The following FHIT variants were observed in gnomAD, a reference collection of about 807,000 sequenced individuals.
The protein encoded by FHIT is fragile histidine triad diadenosine triphosphatase.
In FHIT, 19 loss-of-function variants were observed where a neutral mutation model predicts 17.9. The observed-to-expected ratio is 1.06, with a 90% confidence interval of 0.74 to 1.56. FHIT has a LOEUF of 1.56. Among genes scored for constraint, FHIT ranks in the 40% most tolerant of loss-of-function variants. The pLI, the probability that FHIT is intolerant of heterozygous loss-of-function variation, is 0.00. For synonymous variants in FHIT, 81 were observed against 69.7 expected, an observed-to-expected ratio of 1.16 and a Z score of -0.81; for missense variants, 248 against 189.2, an observed-to-expected ratio of 1.31 and a Z score of -1.82.
intron 5 of FHIT, among the ~76,000 whole-genome samples, chr3:60,051,157 T>A (rs212045): frequency 6.6e-6 from 1 of 151,710 alleles, no homozygotes; most frequent in Non-Finnish European, 1.5e-5. Context: ...TAGGGGAAGG[T>A]TGGGCCTCTC....
At chr3:60,646,097 T>G (rs1247256853) in intron 4 of FHIT, among the ~76,000 whole-genome samples, 1 of 152,118 alleles carries the variant, frequency 6.6e-6, no homozygotes, top group East Asian at 1.9e-4. Flanking sequence ...CCAAATTTGG[T>G]TACTTGTTTT....
intron 2 of FHIT, among the ~76,000 whole-genome samples, chr3:61,190,333 C>G (rs1331042313): frequency 1.3e-5 from 2 of 152,136 alleles, no homozygotes; most frequent in East Asian, 3.8e-4. Context: ...TGAAAAAATG[C>G]TCATCATCAC....
In FHIT at chr3:61,207,722, A is replaced by G. The variant is rs546480208; in HGVS notation, c.-212-7057T>C. ...ATTCTTCTCTCTTTTCTTCTTCATT[A>G]GTCTTGCTAGAGGTCTATCAATTTT... On this transcript the variant is annotated intron_variant, in intron 1 of 9. Transcript: ENST00000492590. 4.6e-5 allele frequency among the ~76,000 whole-genome samples: 7 copies of G among 152,182 alleles called. No homozygotes were observed. In the South Asian group the frequency reaches 1.5e-3, roughly 32 times the overall value.
chr3:61,213,763 T>A (rs573454973), intron 1 of FHIT, among the ~76,000 whole-genome samples: 41 of 152,120 alleles, frequency 2.7e-4, no homozygotes, highest in African/African-American at 8.0e-4. Context: ...GAAGTAAAGC[T>A]CTCCTGAGCA....
chr3:60,559,700 G>T (rs182743555), intron 4 of FHIT, among the ~76,000 whole-genome samples: 1 of 152,058 alleles, frequency 6.6e-6, no homozygotes, highest in Non-Finnish European at 1.5e-5. Context: ...GAAAGCATAT[G>T]TATCTCTGGG....
At chr3:60,051,774 T>C (rs1408847895) in intron 5 of FHIT, among the ~76,000 whole-genome samples, 1 of 152,294 alleles carries the variant, frequency 6.6e-6, no homozygotes, top group Admixed American at 6.5e-5. Context: ...TATACAGGAT[T>C]CTACTTGTGA....
chr3:60,893,159 T>G (rs1172515976), intron 3 of FHIT, among the ~76,000 whole-genome samples: 1 of 152,130 alleles, frequency 6.6e-6, no homozygotes, highest in Non-Finnish European at 1.5e-5. Context: ...AAAAGGAGCA[T>G]CCTTATCTCT....
intron 5 of FHIT, among the ~76,000 whole-genome samples, chr3:60,253,436 A>G (rs1705827970): frequency 6.6e-6 from 1 of 152,248 alleles, no homozygotes; most frequent in South Asian, 2.1e-4. Flanking sequence ...TGTGATGATC[A>G]GTTGGCAACA....
chr3:60,206,168 A>T (rs71313751), intron 5 of FHIT, among the ~76,000 whole-genome samples: 5,171 of 134,920 alleles, frequency 0.038, 238 homozygotes, highest in African/African-American at 0.097. Flanking sequence ...TAATAATAAT[A>T]ATAATTATAA....
At chr3:61,038,345 G>C (rs1247834417) in intron 3 of FHIT, among the ~76,000 whole-genome samples, 1 of 152,190 alleles carries the variant, frequency 6.6e-6, no homozygotes, top group Non-Finnish European at 1.5e-5. Context: ...ACACATTAAA[G>C]AAGAGCATAT....
intron 4 of FHIT, among the ~76,000 whole-genome samples, chr3:60,604,290 G>A (rs2038538422): frequency 6.6e-6 from 1 of 152,156 alleles, no homozygotes; most frequent in South Asian, 2.1e-4. Context: ...ATCCAGGGTA[G>A]AGCAGGACTC....
At chr3:61,225,795 TCAC>T (rs1271987882) in intron 1 of FHIT, among the ~76,000 whole-genome samples, 1 of 152,246 alleles carries the variant, frequency 6.6e-6, no homozygotes, top group Non-Finnish European at 1.5e-5. Flanking sequence ...TTGTTTTCCA[TCAC>T]CATGTTAGTA....
intron 5 of FHIT, among the ~76,000 whole-genome samples, chr3:60,088,422 G>A (rs546490968): frequency 6.6e-6 from 1 of 152,232 alleles, no homozygotes; most frequent in South Asian, 2.1e-4. Context: ...TAGTTGCACG[G>A]CCATGCTGCT....
intron 2 of FHIT, among the ~76,000 whole-genome samples, chr3:61,150,874 C>G (rs2107047254): frequency 6.6e-6 from 1 of 152,172 alleles, no homozygotes; most frequent in African/African-American, 2.4e-5. Context: ...AGAAATAGGC[C>G]TAGCACCAAA....
At chr3:60,538,922 A>G (rs1443426207) in intron 4 of FHIT, among the ~76,000 whole-genome samples, 1 of 152,104 alleles carries the variant, frequency 6.6e-6, no homozygotes, top group Non-Finnish European at 1.5e-5. Context: ...AATGGCAACA[A>G]AAGCCAAAAT....
chr3:60,604,165 C>T (rs1189167533), intron 4 of FHIT, among the ~76,000 whole-genome samples: 1 of 152,062 alleles, frequency 6.6e-6, no homozygotes, highest in Non-Finnish European at 1.5e-5. Context: ...ACATTTAGTA[C>T]AGTGAGAGAA....
chr3:60,672,365 A>C (rs2040526669), intron 4 of FHIT, among the ~76,000 whole-genome samples: 1 of 151,160 alleles, frequency 6.6e-6, no homozygotes, highest in Non-Finnish European at 1.5e-5. Context: ...GGAAAATTAC[A>C]GTCAAAGGGG....
At chr3:60,638,589 G>A (rs62249151) in intron 4 of FHIT, among the ~76,000 whole-genome samples, 1 of 151,928 alleles carries the variant, frequency 6.6e-6, no homozygotes, top group Non-Finnish European at 1.5e-5. Flanking sequence ...AAGAGTATCA[G>A]TAATTTTAAT....
Position 59,954,221 on chromosome 3 carries a change from G to GTTTTTTTTTTT in FHIT, c.280-31808_280-31807insAAAAAAAAAAA, listed in dbSNP as rs5849313. On this transcript the variant is annotated intron_variant, in intron 7 of 9. Transcript: ENST00000492590. ...CATTTTTCAGAAGTTATTTTGTTCTGTTTTTTTTTCTTTTTTTTCCAAATG... is the reference window on the plus strand; with the variant it reads ...CATTTTTCAGAAGTTATTTTGTTCTGTTTTTTTTTTTTTTTTTTTTCTTTTTTTTCCAAATG... Among the ~76,000 whole-genome samples the GTTTTTTTTTTT allele has an allele frequency of 1.7e-5, 2 of 120,976 alleles. 1 individual carries two copies. The highest frequency in any genetic ancestry group is 3.4e-5 in the Non-Finnish European group (2 of 59,590). The allele number at this position is 120,976 out of a possible 152,430, so 79.4% of individuals were successfully genotyped here.
Sources: gnomAD v4.1 joint callset for allele counts (sites outside exome capture counted in the v4.1 genomes callset) on GRCh38, gnomAD v4.1.1 for gene constraint, MANE v1.5 for transcripts, NCBI Gene and HGNC (gene_info 2026-07-23, HGNC 2026-07-21) for gene names.